The following ACCSL variants were observed in gnomAD, a reference collection of about 807,000 sequenced individuals.
ACCSL encodes 1-aminocyclopropane-1-carboxylate synthase homolog (inactive) like.
In ACCSL, 55 loss-of-function variants were observed where a neutral mutation model predicts 61.7. The ratio of observed to expected loss-of-function variants is 0.89; its 90% CI spans 0.72 to 1.12. The LOEUF is 1.12. Among genes scored for constraint, ACCSL ranks in the 50% most tolerant of loss-of-function variants. The pLI, the probability that ACCSL is intolerant of heterozygous loss-of-function variation, is 0.00. For synonymous variants in ACCSL, 258 were observed against 264.3 expected (o/e 0.98, Z 0.23); for missense variants, 632 against 698.0 (o/e 0.91, Z 1.07).
At chr11:43,943,247 T>C in the ACCSL span, 2 of 1,494,244 alleles carry the variant, frequency 1.3e-6, no homozygotes, top group Admixed American at 2.2e-5. This position sits in a 1 kb window ranked among gnomAD's most constrained non-coding sequence, Gnocchi z 4.8. Context: ...CAGCCTGGAC[T>C]CCAGCGACTC....
chr11:43,955,070 T>A, the ACCSL span, among the ~76,000 whole-genome samples: 42 of 152,330 alleles, frequency 2.8e-4, no homozygotes, highest in African/African-American at 9.9e-4. Context: ...GAGAACTCTG[T>A]TGCTCTTACT....
chr11:43,947,279 CT>C, the ACCSL span: 1 of 152,276 alleles, frequency 6.6e-6, no homozygotes, highest in African/African-American at 2.4e-5. Context: ...CGGATCCACC[CT>C]TATGACCCAA....
At chr11:44,052,610 G>A in intron 5 of ACCSL, 52 bp from the exon 6 acceptor site, 1 of 1,519,248 alleles carries the variant, frequency 6.6e-7, no homozygotes, top group Non-Finnish European at 9.1e-7. Context: ...CCTGGCAACA[G>A]GCTCTGATTG....
At chr11:43,952,470 G>A in the ACCSL span, among the ~76,000 whole-genome samples, 1 of 152,178 alleles carries the variant, frequency 6.6e-6, no homozygotes, top group Non-Finnish European at 1.5e-5. Flanking sequence ...TGCACCCTGG[G>A]TCTGGTTAAA....
At chr11:44,038,194 G>A in the ACCSL span, among the ~76,000 whole-genome samples, 2 of 152,174 alleles carry the variant, frequency 1.3e-5, no homozygotes, top group African/African-American at 2.4e-5. Context: ...AATTAAATAG[G>A]TGGTCATAGC....
chr11:43,974,903 C>T, the ACCSL span, among the ~76,000 whole-genome samples: 1 of 152,194 alleles, frequency 6.6e-6, no homozygotes, highest in Non-Finnish European at 1.5e-5. Context: ...GAGCAGCCCC[C>T]AAATTCCTGT....
the ACCSL span, among the ~76,000 whole-genome samples, chr11:43,996,908 G>T: frequency 6.6e-6 from 1 of 151,310 alleles, no homozygotes; most frequent in African/African-American, 2.4e-5. Context: ...CACCTCCTGG[G>T]TTCAAACGAT....
the ACCSL span, among the ~76,000 whole-genome samples, chr11:44,002,725 G>A: frequency 6.6e-6 from 1 of 152,170 alleles, no homozygotes; most frequent in African/African-American, 2.4e-5. Flanking sequence ...TCTGAGGGGA[G>A]CTATTTAACC....
chr11:43,925,599 C>A, the ACCSL span: 1 of 391,588 alleles, frequency 2.6e-6, no homozygotes, highest in Non-Finnish European at 5.2e-6. Context: ...CTCCCTCTTA[C>A]GGTCACAGTA....
At chr11:43,943,740 C>G in the ACCSL span, 1 of 1,304,388 alleles carries the variant, frequency 7.7e-7, no homozygotes, top group Non-Finnish European at 1.0e-6. This position sits in a 1 kb window ranked among gnomAD's most constrained non-coding sequence, Gnocchi z 4.8. Context: ...TTGGGCGCAG[C>G]GCGGCTGCTA....
the ACCSL span, chr11:43,943,601 C>T: frequency 2.3e-6 from 3 of 1,308,524 alleles, no homozygotes; most frequent in Non-Finnish European, 3.0e-6. This position sits in a 1 kb window ranked among gnomAD's most constrained non-coding sequence, Gnocchi z 4.8. Context: ...ACTCCATGCC[C>T]TTGTCCGATG....
the ACCSL span, chr11:43,925,539 G>T: frequency 2.3e-6 from 1 of 436,686 alleles, no homozygotes; most frequent in Non-Finnish European, 4.6e-6. Flanking sequence ...GAATTAGCTG[G>T]ACAATTTCAG....
chr11:44,022,970 A>G, the ACCSL span, among the ~76,000 whole-genome samples: 1 of 151,484 alleles, frequency 6.6e-6, no homozygotes, highest in Admixed American at 6.6e-5. Context: ...TCTTTATGGG[A>G]AGTTTTCTGG....
the ACCSL span, among the ~76,000 whole-genome samples, chr11:43,977,803 A>G: frequency 6.6e-6 from 1 of 152,108 alleles, no homozygotes; most frequent in African/African-American, 2.4e-5. Flanking sequence ...CCTGGGTTTG[A>G]ATCCTGACCT....
intron 11 of ACCSL, among the ~76,000 whole-genome samples, chr11:44,056,886 G>T (rs980814028): frequency 1.3e-5 from 2 of 152,206 alleles, no homozygotes; most frequent in Non-Finnish European, 2.9e-5. Flanking sequence ...ATGTCTGGTA[G>T]CTTGTGTTCT....
the ACCSL span, among the ~76,000 whole-genome samples, chr11:44,021,461 A>C: frequency 3.3e-5 from 5 of 151,396 alleles, no homozygotes; most frequent in African/African-American, 1.2e-4. Context: ...TTTTGATGGG[A>C]TTATTTGTTC....
At chr11:43,987,153 G>T in the ACCSL span, among the ~76,000 whole-genome samples, 1 of 152,086 alleles carries the variant, frequency 6.6e-6, no homozygotes, top group African/African-American at 2.4e-5. Context: ...GTAGGGACAC[G>T]CCCATCAGGA....
chr11:44,049,302 C>G (rs1489674236), intron 1 of ACCSL, among the ~76,000 whole-genome samples: 2 of 151,764 alleles, frequency 1.3e-5, no homozygotes, highest in African/African-American at 4.8e-5. Flanking sequence ...CACCTATAGT[C>G]CCAACTATCT....
the ACCSL span, chr11:43,943,206 G>C: frequency 1.3e-6 from 2 of 1,526,362 alleles, no homozygotes; most frequent in Non-Finnish European, 1.8e-6. This position sits in a 1 kb window ranked among gnomAD's most constrained non-coding sequence, Gnocchi z 4.8. Context: ...TCGCTGCAGC[G>C]GGAGCAGCTC....
Sources: allele counts gnomAD v4.1 joint callset (sites outside exome capture counted in the v4.1 genomes callset), GRCh38; gene constraint gnomAD v4.1.1; non-coding constraint Gnocchi (gnomAD v3.1); transcripts MANE v1.5; gene names NCBI Gene and HGNC (gene_info 2026-07-23, HGNC 2026-07-21).